KLC4: variants seen among roughly 807,000 people sequenced by gnomAD.
KLC4 encodes the protein kinesin light chain 4.
Under a neutral mutation model 77.2 loss-of-function variants are expected in KLC4, and 49 were observed. The observed-to-expected ratio is 0.63, with a 90% confidence interval of 0.50 to 0.80. The LOEUF (loss-of-function observed/expected upper bound fraction) is 0.80. Among genes scored for constraint, KLC4 ranks in the 30% least tolerant of loss-of-function variants. KLC4 has a pLI of 0.00. For missense variants in KLC4, 669 were observed against 793.5 expected (o/e 0.84, Z 1.89); for synonymous variants, 274 against 314.5 (o/e 0.87, Z 1.36).
intron 2 of KLC4, chr6:43,062,537 C>G (rs1765214088): frequency 4.0e-6 from 1 of 248,706 alleles, no homozygotes; most frequent in South Asian, 4.8e-5. Context: ...AGCCACTGTG[C>G]CTGGCCCTGA....
chr6:43,060,112 A>ACCTC, intron 1 of KLC4: 1 of 1,564,726 alleles, frequency 6.4e-7, no homozygotes. Flanking sequence ...CGTTCAGCAG[A>ACCTC]CCTCCCATTC....
At chr6:43,069,579 C>T (rs1416032518) in intron 6 of KLC4, among the ~76,000 whole-genome samples, 1 of 151,858 alleles carries the variant, frequency 6.6e-6, no homozygotes, top group East Asian at 1.9e-4. Context: ...GATAGAGTTT[C>T]ACTCTTGTTG....
chr6:43,072,467 T>A (rs1406669661), intron 12 of KLC4, among the ~76,000 whole-genome samples: 2 of 152,140 alleles, frequency 1.3e-5, no homozygotes, highest in South Asian at 4.1e-4. Context: ...GTTTCAAGAT[T>A]CACTAAATGG....
chr6:43,074,004 A>G (rs1765856415), intron 15 of KLC4, 39 bp downstream of exon 15: 1 of 1,523,586 alleles, frequency 6.6e-7, no homozygotes, highest in Non-Finnish European at 9.0e-7. Flanking sequence ...TGGGTGAGGA[A>G]AAAAGGACAG....
At chr6:43,060,278 T>C (rs1352650105) in intron 1 of KLC4, 5 of 1,613,858 alleles carry the variant, frequency 3.1e-6, no homozygotes, top group South Asian at 1.1e-5. Flanking sequence ...CCTCTTGCTG[T>C]AGGTCTCTGG....
intron 2 of KLC4, chr6:43,062,555 T>C (rs1765214786): frequency 3.9e-6 from 1 of 256,832 alleles, no homozygotes; most frequent in African/African-American, 2.2e-5. Context: ...TGATTTTACT[T>C]TGAGCGAGAT....
At chr6:43,062,725 C>T in intron 2 of KLC4, 192 bp from the exon 3 acceptor site, 1 of 596,872 alleles carries the variant, frequency 1.7e-6, no homozygotes, top group Admixed American at 2.9e-5. Context: ...TGGCTTGGTC[C>T]AGGGTGACAG....
chr6:43,066,184 T>A lies in KLC4; in HGVS notation c.572-122T>A. On this transcript the variant is annotated intron_variant, in intron 4 of 15. Transcript: ENST00000347162. ...AAAAGAATAGCACTTGAGGCAGGTC[T>A]AATATTGAGAGTCCAGGTTGGGGTG... 7 of 795,724 alleles carry A rather than the reference T, an allele frequency of 8.8e-6. No individual in the cohort carries two copies. The South Asian group carries it at 1.1e-4, about 12-fold the overall frequency. The allele number at this position is 795,724 out of a possible 1,614,324, so 49.3% of individuals were successfully genotyped here.
chr6:43,064,155 T>C (rs1765303627), intron 3 of KLC4, among the ~76,000 whole-genome samples: 1 of 152,192 alleles, frequency 6.6e-6, no homozygotes, highest in African/African-American at 2.4e-5. Flanking sequence ...TGTGTTTTCT[T>C]GAGATGTATC....
intron 8 of KLC4, 130 bp from the exon 9 acceptor site, chr6:43,071,144 GA>G: frequency 1.5e-6 from 1 of 653,462 alleles, no homozygotes; most frequent in Non-Finnish European, 2.6e-6. Context: ...GATCTCTGGG[GA>G]AAGTGAGAGA....
Position 43,070,388 on chromosome 6 carries a change from A to C in KLC4, c.914A>C (p.Tyr305Ser), listed in dbSNP as rs1227104134. 1 of 1,614,010 alleles carries C rather than the reference A, an allele frequency of 6.2e-7. No homozygotes were observed. Among genetic ancestry groups the C allele is most frequent in the African/African-American group, 1.3e-5 (1 of 74,938 alleles). The change falls in exon 7 of 16, where the codon TAT becomes TCT. Residue 305 changes from tyrosine (Y) to serine (S), a missense_variant. Coordinates refer to ENST00000347162, the MANE Select transcript of KLC4 (RefSeq NM_201521.3). ...ACACTCAACAATTTGGCTGTGCTCTATGGCAAAAGGGGCAAGTACAAGGAG... is the reference window on the plus strand; with the variant it reads ...ACACTCAACAATTTGGCTGTGCTCTCTGGCAAAAGGGGCAAGTACAAGGAG... The part of the protein sequence containing the change: ...AATLNNLAVL[Y>S]GKRGKYKEAE...
intron 8 of KLC4, 45 bp downstream of exon 8, chr6:43,070,910 GCACAGAGGTGGGGGGA>G: frequency 1.8e-5 from 6 of 331,078 alleles, no homozygotes; most frequent in South Asian, 4.9e-5. Flanking sequence ...GGAGAGGGGG[GCACAGAGGTGGGGGGA>G]GGGGGGGCAG....
chr6:43,068,944 C>T (rs1246122258), intron 6 of KLC4, among the ~76,000 whole-genome samples: 1 of 152,076 alleles, frequency 6.6e-6, no homozygotes, highest in African/African-American at 2.4e-5. Context: ...CCTGTCTCTA[C>T]TAATAATACA....
rs375890670 is a variant in KLC4, at chr6:43,065,104, C to T, written c.490-516C>T. Among the ~76,000 whole-genome samples, 14 of 151,318 alleles carry T rather than the reference C, an allele frequency of 9.3e-5. No individual in the cohort carries two copies. In the East Asian group the frequency reaches 9.7e-4, roughly 10 times the overall value. ...TTTTTTTTGTTTTGAGACAGAGTTT[C>T]GCTCTTGTTGCCCAGGCTGGAGTGC... On this transcript the variant is annotated intron_variant, in intron 3 of 15. Coordinates refer to ENST00000347162, the MANE Select transcript of KLC4 (RefSeq NM_201521.3).
rs113143794 is a variant in KLC4, at chr6:43,069,888, C to T, written c.880-466C>T. Among the ~76,000 whole-genome samples, 503 of 152,180 alleles carry T rather than the reference C, an allele frequency of 3.3e-3. 4 individuals are homozygous for T. The highest frequency in any genetic ancestry group is 0.011 in the African/African-American group (454 of 41,510). ...AATGTGATCTGTGTGAAAATAATTCCCTATGGTATGACATATGATAGGCAG... is the reference window on the plus strand; with the variant it reads ...AATGTGATCTGTGTGAAAATAATTCTCTATGGTATGACATATGATAGGCAG... On this transcript the variant is annotated intron_variant, in intron 6 of 15. Transcript: ENST00000347162.
intron 6 of KLC4, among the ~76,000 whole-genome samples, chr6:43,067,631 A>T (rs546898667): frequency 6.8e-6 from 1 of 147,006 alleles, no homozygotes; most frequent in South Asian, 2.2e-4. Context: ...CATCTCTACT[A>T]AAAAAAATAC....
intron 6 of KLC4, chr6:43,067,396 A>C: frequency 2.3e-6 from 1 of 434,668 alleles, no homozygotes; most frequent in Non-Finnish European, 3.9e-6. Flanking sequence ...AAAACAAGAA[A>C]AGTAATTTGT....
chr6:43,062,137 C>T (rs1394431057), intron 2 of KLC4, among the ~76,000 whole-genome samples: 1 of 152,044 alleles, frequency 6.6e-6, no homozygotes, highest in Non-Finnish European at 1.5e-5. Context: ...AGTATGGCTG[C>T]AGTAGAGTGA....
chr6:43,071,708 C>T, intron 10 of KLC4, 89 bp downstream of exon 10: 1 of 1,481,534 alleles, frequency 6.7e-7, no homozygotes, highest in Non-Finnish European at 9.4e-7. Flanking sequence ...CTCTCACTTC[C>T]CATCCCAGCA....
Sources: gnomAD v4.1 joint callset for allele counts (sites outside exome capture counted in the v4.1 genomes callset) on GRCh38, gnomAD v4.1.1 for gene constraint, MANE v1.5 for transcripts, NCBI Gene and HGNC (gene_info 2026-07-23, HGNC 2026-07-21) for gene names.